RFX2: variants seen among roughly 807,000 people sequenced by gnomAD.
RFX2 encodes the protein regulatory factor X2, also known as DNA-binding protein RFX2.
A neutral mutation model predicts 87.8 loss-of-function variants in RFX2; 20 were observed. That is an observed-to-expected ratio of 0.23 (90% CI 0.16 to 0.33). RFX2 has a LOEUF of 0.33. Among genes scored for constraint, RFX2 ranks in the 10% least tolerant of loss-of-function variants. The pLI is 1.00. For missense variants in RFX2, 767 were observed against 1,012.3 expected, an observed-to-expected ratio of 0.76 and a Z score of 3.29; for synonymous variants, 397 against 431.3, an observed-to-expected ratio of 0.92 and a Z score of 0.98.
chr19:6,013,103 C>T lies in RFX2; in HGVS notation c.782G>A (p.Gly261Asp). 1.3e-6 allele frequency: 2 copies of T among 1,586,348 alleles called. No homozygotes were observed. Among genetic ancestry groups the T allele is most frequent in the Non-Finnish European group, 1.7e-6 (2 of 1,167,694 alleles). Residue 261 changes from glycine (G) to aspartate (D), a missense_variant and splice_region_variant, in exon 8 of 18, where the codon GGC (glycine) becomes GAC (aspartate). Gly to Asp is a moderately conservative substitution (Grantham distance 94). This residue lies in a region of RFX2 where 621 missense variants were observed against 873.0 expected (regional missense o/e 0.71). Coordinates refer to ENST00000303657, the MANE Select transcript of RFX2 (RefSeq NM_000635.4). The surrounding 1 kb of genome is among the most constrained non-coding windows in gnomAD (Gnocchi z 4.1). The part of the protein sequence containing the change: ...GLRTRRLGTR[G>D]NSKYHYYGIR... Reference sequence around the variant, plus strand: ...CCCATAGTAATGGTACTTCGAGTTGCCCCTGGAAACCAAACATCCCAGGGT... The same window carrying T: ...CCCATAGTAATGGTACTTCGAGTTGTCCCTGGAAACCAAACATCCCAGGGT...
chr19:6,014,119 T>A (rs1045944323), intron 7 of RFX2, among the ~76,000 whole-genome samples: 1 of 152,156 alleles, frequency 6.6e-6, no homozygotes, highest in East Asian at 1.9e-4. Context: ...GAGGGAAGCA[T>A]TAACCCACAG....
rs1166018435 is a variant in RFX2 at position 6,039,813 on chromosome 19, T to A, written c.522+167A>T. On this transcript the variant is annotated intron_variant, in intron 5 of 17. Transcript: ENST00000303657. The surrounding 1 kb of genome is among the most constrained non-coding windows in gnomAD (Gnocchi z 5.2). ...AGAACTCTGCAGGCCTGCCTATGGTTGCGTGGCCCGTCTGAGGCTGGCCCG... is the reference window on the plus strand; with the variant it reads ...AGAACTCTGCAGGCCTGCCTATGGTAGCGTGGCCCGTCTGAGGCTGGCCCG... Among the ~76,000 whole-genome samples the A allele has an allele frequency of 1.3e-5, 2 of 152,224 alleles. No homozygotes were observed. The highest frequency in any genetic ancestry group is 4.8e-5 in the African/African-American group (2 of 41,462).
chr19:6,027,328 G>C lies in RFX2; in HGVS notation c.523-1091C>G, dbSNP rs1236371580. On this transcript the variant is annotated intron_variant, in intron 5 of 17. Transcript: ENST00000303657. This position sits in a 1 kb window ranked among gnomAD's most constrained non-coding sequence, Gnocchi z 5.0. Reference sequence around the variant, plus strand: ...TTGCTTCAAGCCAAGGAGGACGTCAGGGTCACCTTTAAGAAGTGCAGAAGG... The same window carrying C: ...TTGCTTCAAGCCAAGGAGGACGTCACGGTCACCTTTAAGAAGTGCAGAAGG... 1 of 152,220 alleles carries C rather than the reference G, an allele frequency of 6.6e-6. No individual in the cohort carries two copies. Among genetic ancestry groups the C allele is most frequent in the Non-Finnish European group, 1.5e-5 (1 of 68,056 alleles). The allele number at this position is 152,220 out of a possible 1,614,324, so 9.4% of individuals were successfully genotyped here. A position where few individuals can be genotyped will look rare whatever the true frequency, so the allele number is the denominator to read the frequency against.
chr19:6,016,880 A>G lies in RFX2; in HGVS notation c.598-609T>C, dbSNP rs1442613510. Among the ~76,000 whole-genome samples, 1 of 152,130 alleles carries G rather than the reference A, an allele frequency of 6.6e-6. No homozygotes were observed. The highest frequency in any genetic ancestry group is 1.5e-5 in the Non-Finnish European group (1 of 68,022). ...AGTCCCTTAAATGAAATACCCACAC[A>G]CCACACAGGCTTTAACACCAAATCG... On this transcript the variant is annotated intron_variant, in intron 6 of 17. Coordinates refer to ENST00000303657, the MANE Select transcript of RFX2 (RefSeq NM_000635.4). This position sits in a 1 kb window ranked among gnomAD's most constrained non-coding sequence, Gnocchi z 5.4.
chr19:6,002,826 C>G lies in RFX2; in HGVS notation c.1545G>C (p.Thr515=), dbSNP rs556313255. ...SAFAQTLRRY[T]SLNHLAQAAR... ...CCGCCTGCGCCAGGTGGTTGAGGGACGTGTAGCGCCGCAGCGTCTGGGCGA... is the reference window on the plus strand; with the variant it reads ...CCGCCTGCGCCAGGTGGTTGAGGGAGGTGTAGCGCCGCAGCGTCTGGGCGA... The change falls in exon 14 of 18, where the codon ACG becomes ACC. Residue 515 remains threonine (T), a synonymous_variant. Transcript: ENST00000303657. The surrounding 1 kb of genome is among the most constrained non-coding windows in gnomAD (Gnocchi z 6.7). The G allele has an allele frequency of 1.2e-6, 2 of 1,612,962 alleles. No homozygotes were observed. Among genetic ancestry groups the G allele is most frequent in the Non-Finnish European group, 8.5e-7 (1 of 1,179,784 alleles).
At chr19:6,041,039 G>T (rs567228477) in intron 4 of RFX2, among the ~76,000 whole-genome samples, 50 of 152,284 alleles carry the variant, frequency 3.3e-4, no homozygotes, top group African/African-American at 1.1e-3. Flanking sequence ...CTAGTTAACA[G>T]TTTTACCCCA....
At chr19:6,049,551 G>T (rs1040321603) in intron 1 of RFX2, among the ~76,000 whole-genome samples, 1 of 152,084 alleles carries the variant, frequency 6.6e-6, no homozygotes, top group African/African-American at 2.4e-5. Context: ...TATTATTATT[G>T]TTTTTTGAGA....
In RFX2 at chr19:6,022,673, G is replaced by A. The variant is rs1418371650; in HGVS notation, c.597+3490C>T. On this transcript the variant is annotated intron_variant, in intron 6 of 17. Coordinates refer to ENST00000303657, the MANE Select transcript of RFX2 (RefSeq NM_000635.4). This position sits in a 1 kb window ranked among gnomAD's most constrained non-coding sequence, Gnocchi z 6.2. Reference sequence around the variant, plus strand: ...TGGAAGAGCTAATCCCCATTTTCACGGCGCCATATCATGCCCTTTTCCAGT... The same window carrying A: ...TGGAAGAGCTAATCCCCATTTTCACAGCGCCATATCATGCCCTTTTCCAGT... Among the ~76,000 whole-genome samples, 3 of 152,202 alleles carry A rather than the reference G, an allele frequency of 2.0e-5. No homozygotes were observed. The highest frequency in any genetic ancestry group is 4.4e-5 in the Non-Finnish European group (3 of 68,028).
chr19:6,006,874 G>A (rs2086589682), intron 12 of RFX2, 138 bp downstream of exon 12: 3 of 925,376 alleles, frequency 3.2e-6, no homozygotes, highest in South Asian at 1.6e-5. Flanking sequence ...TCACTGGCAT[G>A]AGCCACCGCG....
At chr19:6,006,560 C>T (rs963690665) in intron 12 of RFX2, among the ~76,000 whole-genome samples, 1 of 150,418 alleles carries the variant, frequency 6.6e-6, no homozygotes, top group African/African-American at 2.5e-5. Flanking sequence ...AGCTATTCTC[C>T]TGGCTCGGCC....
At position 6,026,908 on chromosome 19, in the gene RFX2, G is replaced by C. The variant is rs977165329; in HGVS notation, c.523-671C>G. On this transcript the variant is annotated intron_variant, in intron 5 of 17. Transcript: ENST00000303657. The surrounding 1 kb of genome is among the most constrained non-coding windows in gnomAD (Gnocchi z 4.5). Reference sequence around the variant, plus strand: ...TGGGCAGCTAACAGCAGAACTTCCTGGAGGAAGGGGCTTTTGAGTTGGATC... The same window carrying C: ...TGGGCAGCTAACAGCAGAACTTCCTCGAGGAAGGGGCTTTTGAGTTGGATC... Among the ~76,000 whole-genome samples the C allele has an allele frequency of 6.6e-6, 1 of 152,228 alleles. No individual in the cohort carries two copies. The highest frequency in any genetic ancestry group is 2.4e-5 in the African/African-American group (1 of 41,460).
Position 5,999,540 on chromosome 19 carries a change from T to C in RFX2, c.1859+2275A>G, listed in dbSNP as rs1443938562. ...GCTTTATTGTAATTTCTGGCTACAC[T>C]GGTGTTTCTGTTATGTGGCAGTGGT... On this transcript the variant is annotated intron_variant, in intron 15 of 17. Coordinates refer to ENST00000303657, the MANE Select transcript of RFX2 (RefSeq NM_000635.4). This position sits in a 1 kb window ranked among gnomAD's most constrained non-coding sequence, Gnocchi z 4.1. Among the ~76,000 whole-genome samples the C allele has an allele frequency of 2.0e-5, 3 of 152,152 alleles. No individual in the cohort carries two copies. The highest frequency in any genetic ancestry group is 4.4e-5 in the Non-Finnish European group (3 of 68,028).
intron 1 of RFX2, among the ~76,000 whole-genome samples, chr19:6,104,975 G>A (rs115014675): frequency 0.017 from 2,653 of 151,792 alleles, 73 homozygotes; most frequent in African/African-American, 0.06. Flanking sequence ...ACAATTAGCT[G>A]AGCGTTGTGG....
intron 5 of RFX2, among the ~76,000 whole-genome samples, chr19:6,038,134 C>T (rs1343516149): frequency 6.6e-6 from 1 of 151,982 alleles, no homozygotes; most frequent in Non-Finnish European, 1.5e-5. Flanking sequence ...CGAGACCAGC[C>T]TGGCCAACAT....
intron 5 of RFX2, among the ~76,000 whole-genome samples, chr19:6,035,385 T>G (rs188245858): frequency 6.6e-6 from 1 of 152,314 alleles, no homozygotes; most frequent in Non-Finnish European, 1.5e-5. Context: ...CCCACTTTAG[T>G]TTCCCTGCTC....
At chr19:6,109,116 A>G (rs907715014) in intron 1 of RFX2, among the ~76,000 whole-genome samples, 7 of 151,552 alleles carry the variant, frequency 4.6e-5, no homozygotes, top group African/African-American at 1.7e-4. Context: ...CACTCGCACT[A>G]CCTCGGAGAA....
intron 5 of RFX2, among the ~76,000 whole-genome samples, chr19:6,034,691 G>A (rs957903157): frequency 8.5e-5 from 13 of 152,166 alleles, no homozygotes; most frequent in African/African-American, 3.1e-4. Flanking sequence ...TCACTGAAGA[G>A]CCAGGCTACA....
intron 1 of RFX2, among the ~76,000 whole-genome samples, chr19:6,094,143 G>A (rs1353570217): frequency 2.0e-5 from 3 of 152,178 alleles, no homozygotes; most frequent in Non-Finnish European, 4.4e-5. Context: ...TGTTTTACAG[G>A]CCTGTGAAAT....
In RFX2 at chr19:6,063,589, TGAA is replaced by T. The variant is rs1271168216; in HGVS notation, c.-8-16088_-8-16086del. On this transcript the variant is annotated intron_variant, in intron 1 of 17. Transcript: ENST00000303657. The surrounding 1 kb of genome is among the most constrained non-coding windows in gnomAD (Gnocchi z 4.0). ...GCTAAGATTAAAGTGACTGCTGCGT[TGAA>T]GAAGGAGGGAGGCAGAGAGACAGCA... Among the ~76,000 whole-genome samples the T allele has an allele frequency of 6.6e-6, 1 of 152,082 alleles. No homozygotes were observed. The highest frequency in any genetic ancestry group is 6.5e-5 in the Admixed American group (1 of 15,286).
Sources: allele counts gnomAD v4.1 joint callset (sites outside exome capture counted in the v4.1 genomes callset), GRCh38; gene constraint gnomAD v4.1.1; regional missense constraint gnomAD v4.1.1; non-coding constraint Gnocchi (gnomAD v3.1); transcripts MANE v1.5; gene names NCBI Gene and HGNC (gene_info 2026-07-23, HGNC 2026-07-21).